Variants in PTPRK observed in about 807,000 individuals in gnomAD.
PTPRK encodes the protein protein tyrosine phosphatase receptor type K.
A neutral mutation model predicts 178.0 loss-of-function variants in PTPRK; 75 were observed. The observed-to-expected ratio is 0.42, with a 90% CI of 0.35 to 0.51. The LOEUF (loss-of-function observed/expected upper bound fraction) is 0.51. Ranked by LOEUF, PTPRK falls within the 20% of genes least tolerant of loss-of-function variation. The pLI, the probability that PTPRK is intolerant of heterozygous loss-of-function variation, is 0.02. For missense variants in PTPRK, 1,441 were observed against 1,797.8 expected, an observed-to-expected ratio of 0.80 and a Z score of 3.59; for synonymous variants, 637 against 620.6, an observed-to-expected ratio of 1.03 and a Z score of -0.39.
chr6:128,243,160 G>A (rs933001255), intron 3 of PTPRK, among the ~76,000 whole-genome samples: 3 of 152,024 alleles, frequency 2.0e-5, no homozygotes, highest in Admixed American at 1.3e-4. Context: ...TGGCTACAAA[G>A]GCTCAAAAGG....
At chr6:128,144,558 T>A (rs1356423865) in intron 7 of PTPRK, among the ~76,000 whole-genome samples, 1 of 152,172 alleles carries the variant, frequency 6.6e-6, no homozygotes, top group Admixed American at 6.6e-5. Flanking sequence ...GACCACTTTA[T>A]CTTCTTTCTC....
At chr6:128,180,156 A>T (rs1801689962) in intron 7 of PTPRK, among the ~76,000 whole-genome samples, 1 of 152,080 alleles carries the variant, frequency 6.6e-6, no homozygotes, top group African/African-American at 2.4e-5. Context: ...AATTTAAAAG[A>T]GCAATTTTAA....
rs182755101 is a variant in PTPRK at position 128,508,934 on chromosome 6, C to G, written c.100+11325G>C. On this transcript the variant is annotated intron_variant, in intron 1 of 29. Transcript: ENST00000368226. ...TGCACTCCAGCCTGAGCAATAAGTG[C>G]GAAACTCCATCTCAAAAAAAAAAAA... 3.6e-3 allele frequency among the ~76,000 whole-genome samples: 504 copies of G among 140,840 alleles called. 4 individuals carry two copies. The highest frequency in any genetic ancestry group is 0.013 in the African/African-American group (461 of 35,008). 92.4% of individuals were successfully genotyped at this position (140,840 alleles called of 152,430 possible). A position where few individuals can be genotyped will look rare whatever the true frequency, so the allele number is the denominator to read the frequency against.
intron 13 of PTPRK, among the ~76,000 whole-genome samples, chr6:128,029,304 A>C (rs971327435): frequency 6.6e-6 from 1 of 152,076 alleles, no homozygotes; most frequent in Non-Finnish European, 1.5e-5. Context: ...AGATGCCAGC[A>C]CTACGCTTCC....
intron 1 of PTPRK, among the ~76,000 whole-genome samples, chr6:128,485,786 A>T (rs150614481): frequency 6.6e-6 from 1 of 152,338 alleles, no homozygotes; most frequent in Non-Finnish European, 1.5e-5. Flanking sequence ...CTTCTGCTGG[A>T]AATATGTTAT....
chr6:127,987,244 A>AC lies in PTPRK; in HGVS notation c.3097-1370dup, dbSNP rs535110387. Among the ~76,000 whole-genome samples, 394 of 146,676 alleles carry AC rather than the reference A, an allele frequency of 2.7e-3. 2 individuals carry two copies. Among genetic ancestry groups the AC allele is most frequent in the African/African-American group, 5.9e-3 (231 of 39,320 alleles). On this transcript the variant is annotated intron_variant, in intron 21 of 29. Transcript: ENST00000368226. ...TTTCAAATATGTGGTTAAAAAAACA[A>AC]CCCCCCCCATTTTCTTGTTCTAAAT...
intron 7 of PTPRK, among the ~76,000 whole-genome samples, chr6:128,148,242 G>T (rs971504464): frequency 6.6e-6 from 1 of 152,074 alleles, no homozygotes; most frequent in Non-Finnish European, 1.5e-5. Flanking sequence ...GTACCAGAAG[G>T]ATGAGGAGAA....
intron 7 of PTPRK, among the ~76,000 whole-genome samples, chr6:128,157,022 C>T (rs1798044841): frequency 6.6e-6 from 1 of 151,950 alleles, no homozygotes; most frequent in Admixed American, 6.6e-5. Context: ...TGAATTACTA[C>T]AGATCCATCA....
At chr6:128,058,527 AAT>A (rs1307431628) in intron 13 of PTPRK, among the ~76,000 whole-genome samples, 3 of 152,100 alleles carry the variant, frequency 2.0e-5, no homozygotes, top group East Asian at 3.9e-4. Context: ...ATAGTTTTTA[AAT>A]ATGTTTTTGA....
chr6:128,317,719 C>T (rs9321114), intron 3 of PTPRK, among the ~76,000 whole-genome samples: 133,913 of 152,184 alleles, frequency 0.88, 59,442 homozygotes, highest in East Asian at 0.99. Flanking sequence ...TTTCCTTCCT[C>T]GCAGTTACAA....
At chr6:128,033,720 T>C (rs889262913) in intron 13 of PTPRK, among the ~76,000 whole-genome samples, 1 of 151,888 alleles carries the variant, frequency 6.6e-6, no homozygotes. Context: ...AAAAATAAAA[T>C]TGTTTAATTA....
At chr6:128,144,834 A>G (rs1796250820) in intron 7 of PTPRK, among the ~76,000 whole-genome samples, 1 of 152,124 alleles carries the variant, frequency 6.6e-6, no homozygotes, top group African/African-American at 2.4e-5. Context: ...TTATCATCAC[A>G]GGTTTCTGGA....
intron 6 of PTPRK, among the ~76,000 whole-genome samples, chr6:128,201,376 C>T (rs1054335166): frequency 6.6e-6 from 1 of 152,180 alleles, no homozygotes; most frequent in African/African-American, 2.4e-5. Context: ...CAAAGCCATG[C>T]TGAAATCAAG....
chr6:127,990,501 G>A (rs1156807768), intron 21 of PTPRK, among the ~76,000 whole-genome samples: 2 of 151,858 alleles, frequency 1.3e-5, no homozygotes, highest in African/African-American at 4.8e-5. Flanking sequence ...TATATCACTT[G>A]TCATGATGTA....
At chr6:128,284,353 CCA>C (rs899531745) in intron 3 of PTPRK, among the ~76,000 whole-genome samples, 3 of 152,178 alleles carry the variant, frequency 2.0e-5, no homozygotes, top group African/African-American at 7.2e-5. Context: ...ACCCTGGCCC[CCA>C]GCCACCCTTC....
chr6:128,261,467 A>G (rs1204263569), intron 3 of PTPRK, among the ~76,000 whole-genome samples: 2 of 152,178 alleles, frequency 1.3e-5, no homozygotes, highest in Non-Finnish European at 2.9e-5. Context: ...TATGAAATCC[A>G]TTGTCTCCAA....
intron 6 of PTPRK, among the ~76,000 whole-genome samples, chr6:128,199,869 C>T (rs746458456): frequency 1.3e-5 from 2 of 152,112 alleles, no homozygotes; most frequent in African/African-American, 4.8e-5. Flanking sequence ...AGAGAATCCC[C>T]GAAATCAAAA....
At chr6:128,172,326 T>G (rs924960483) in intron 7 of PTPRK, among the ~76,000 whole-genome samples, 4 of 152,002 alleles carry the variant, frequency 2.6e-5, no homozygotes, top group African/African-American at 9.7e-5. Flanking sequence ...CTTTTTAGTT[T>G]ATAATAACAT....
chr6:128,027,585 T>C (rs1419808093), intron 13 of PTPRK, among the ~76,000 whole-genome samples: 2 of 152,108 alleles, frequency 1.3e-5, no homozygotes, highest in Non-Finnish European at 2.9e-5. Flanking sequence ...CAAGCACTTA[T>C]GAGGCTTGTT....
Sources: allele counts gnomAD v4.1 joint callset (sites outside exome capture counted in the v4.1 genomes callset), GRCh38; gene constraint gnomAD v4.1.1; transcripts MANE v1.5; gene names NCBI Gene and HGNC (gene_info 2026-07-23, HGNC 2026-07-21).